Variants in ST6GALNAC3 observed in about 807,000 individuals in gnomAD.
ST6GALNAC3 encodes ST6 N-acetylgalactosaminide alpha-2,6-sialyltransferase 3, also known as alpha-N-acetylgalactosaminide alpha-2,6-sialyltransferase 3.
ST6GALNAC3 carries 25 observed loss-of-function variants against 32.7 expected under a neutral mutation model. That is an observed-to-expected ratio of 0.76 (90% CI 0.56 to 1.07). The LOEUF (loss-of-function observed/expected upper bound fraction) is 1.07. Among genes scored for constraint, ST6GALNAC3 ranks in the 50% least tolerant of loss-of-function variants. The pLI is 0.00. For missense variants in ST6GALNAC3, 355 were observed against 382.4 expected (o/e 0.93, Z 0.60); for synonymous variants, 129 against 133.1 (o/e 0.97, Z 0.21).
chr1:76,524,448 GATT>G (rs1245012696), intron 3 of ST6GALNAC3, among the ~76,000 whole-genome samples: 2 of 152,176 alleles, frequency 1.3e-5, no homozygotes, highest in East Asian at 3.9e-4. Context: ...ATAGTTATCT[GATT>G]ATATCTGTCT....
intron 2 of ST6GALNAC3, among the ~76,000 whole-genome samples, chr1:76,368,545 A>C (rs1650569235): frequency 6.6e-6 from 1 of 151,560 alleles, no homozygotes. Context: ...TGCTCTCTGC[A>C]CTTCAGAGTA....
At chr1:76,076,049 T>G (rs1179719275) in intron 1 of ST6GALNAC3, among the ~76,000 whole-genome samples, 2 of 152,150 alleles carry the variant, frequency 1.3e-5, no homozygotes, top group African/African-American at 4.8e-5. Context: ...AGATCAGAAG[T>G]TTCCTGTGAG....
intron 1 of ST6GALNAC3, among the ~76,000 whole-genome samples, chr1:76,152,198 C>A (rs1177098629): frequency 6.6e-6 from 1 of 152,100 alleles, no homozygotes; most frequent in African/African-American, 2.4e-5. Context: ...ATTTATTATT[C>A]ATATCTTTTT....
At chr1:76,577,013 T>G in intron 3 of ST6GALNAC3, 2 of 1,203,694 alleles carry the variant, frequency 1.7e-6, no homozygotes, top group Non-Finnish European at 2.1e-6. Flanking sequence ...GGTTCAAAGA[T>G]TAAGATTGTG....
chr1:76,408,515 G>A lies in ST6GALNAC3; in HGVS notation c.214-3493G>A, dbSNP rs530964676. Among the ~76,000 whole-genome samples, 3 of 152,188 alleles carry A rather than the reference G, an allele frequency of 2.0e-5. No individual in the cohort carries two copies. The East Asian group carries it at 5.8e-4, about 29-fold the overall frequency. On this transcript the variant is annotated intron_variant, in intron 2 of 4. Coordinates refer to ENST00000328299, the MANE Select transcript of ST6GALNAC3 (RefSeq NM_152996.4). ...TGTTCCCAATGTTTGCCCTCAAGTT[G>A]TTAGTTAGCTGCTGACCTCATAATC...
At chr1:76,480,361 A>C (rs138760302) in intron 3 of ST6GALNAC3, among the ~76,000 whole-genome samples, 3 of 152,202 alleles carry the variant, frequency 2.0e-5, no homozygotes, top group African/African-American at 7.2e-5. Flanking sequence ...CTAGATCTTG[A>C]GATTGGACAT....
chr1:76,449,675 T>C (rs750744095), intron 3 of ST6GALNAC3, among the ~76,000 whole-genome samples: 1 of 152,260 alleles, frequency 6.6e-6, no homozygotes, highest in Admixed American at 6.5e-5. Flanking sequence ...ATATAGAACA[T>C]CTTTTCATAT....
intron 3 of ST6GALNAC3, among the ~76,000 whole-genome samples, chr1:76,474,123 C>A (rs113053451): frequency 0.011 from 1,646 of 152,288 alleles, 30 homozygotes; most frequent in African/African-American, 0.035. Context: ...TCAGTCAACA[C>A]ATGTGGCACA....
chr1:76,454,678 T>C (rs1657645304), intron 3 of ST6GALNAC3, among the ~76,000 whole-genome samples: 1 of 152,202 alleles, frequency 6.6e-6, no homozygotes, highest in South Asian at 2.1e-4. Context: ...TTTTCCTTTA[T>C]AGGTTACCTG....
chr1:76,196,400 C>T (rs908225474), intron 1 of ST6GALNAC3, among the ~76,000 whole-genome samples: 4 of 151,992 alleles, frequency 2.6e-5, no homozygotes, highest in Admixed American at 2.6e-4. Context: ...CAGGAATTCA[C>T]ACAATGAATA....
intron 1 of ST6GALNAC3, among the ~76,000 whole-genome samples, chr1:76,259,491 A>G (rs1006122050): frequency 6.6e-6 from 1 of 152,198 alleles, no homozygotes; most frequent in African/African-American, 2.4e-5. Context: ...TCAATGTGCA[A>G]TAAATGTTGG....
intron 3 of ST6GALNAC3, among the ~76,000 whole-genome samples, chr1:76,541,595 A>T (rs986441717): frequency 1.3e-5 from 2 of 152,216 alleles, no homozygotes; most frequent in African/African-American, 4.8e-5. Context: ...TGTGACAGAC[A>T]CTGTGGCTTT....
At chr1:76,636,262 A>G (rs547762832), downstream of ST6GALNAC3, among the ~76,000 whole-genome samples, 3 of 152,310 alleles carry the variant, frequency 2.0e-5, no homozygotes, top group African/African-American at 4.8e-5. Context: ...CCACAATAGA[A>G]GTAACGTGAC....
At chr1:76,411,974 AC>A (rs749018023) in intron 2 of ST6GALNAC3, 33 bp from the exon 3 acceptor site, 1 of 1,589,214 alleles carries the variant, frequency 6.3e-7, no homozygotes, top group South Asian at 1.1e-5. Flanking sequence ...AGTGGAATTT[AC>A]TAATTTACAT....
intron 2 of ST6GALNAC3, among the ~76,000 whole-genome samples, chr1:76,348,102 C>T (rs1369817046): frequency 6.6e-6 from 1 of 152,124 alleles, no homozygotes; most frequent in African/African-American, 2.4e-5. Context: ...AAGTGTTTAC[C>T]ATGAAAGGTG....
chr1:76,421,692 T>A (rs1655037933), intron 3 of ST6GALNAC3, among the ~76,000 whole-genome samples: 1 of 152,078 alleles, frequency 6.6e-6, no homozygotes, highest in Non-Finnish European at 1.5e-5. Flanking sequence ...TTGCCTTACT[T>A]TTTAAATGCC....
chr1:76,285,414 A>AGTGTGTG (rs1164300078), intron 1 of ST6GALNAC3, among the ~76,000 whole-genome samples: 3 of 149,750 alleles, frequency 2.0e-5, no homozygotes, highest in East Asian at 4.2e-4. Context: ...GTGTGTGTAC[A>AGTGTGTG]TGTGTGTGTA....
At chr1:76,341,665 C>CTTTG (rs1434860804) in intron 2 of ST6GALNAC3, among the ~76,000 whole-genome samples, 3 of 144,516 alleles carry the variant, frequency 2.1e-5, no homozygotes, top group Admixed American at 1.4e-4. Context: ...TTCTTTCTTT[C>CTTTG]TTTCTTTCTT....
intron 1 of ST6GALNAC3, among the ~76,000 whole-genome samples, chr1:76,077,646 T>G (rs1646835221): frequency 6.6e-6 from 1 of 152,080 alleles, no homozygotes. Context: ...AGGTGAGTGT[T>G]TTTACTAGAG....
Sources: allele counts gnomAD v4.1 joint callset (sites outside exome capture counted in the v4.1 genomes callset), GRCh38; gene constraint gnomAD v4.1.1; transcripts MANE v1.5; gene names NCBI Gene and HGNC (gene_info 2026-07-23, HGNC 2026-07-21).